Variants in EYS observed in about 807,000 individuals in gnomAD.
The protein encoded by EYS is EGF-like photoreceptor maintenance factor.
In EYS, 250 loss-of-function variants were observed where a neutral mutation model predicts 282.1. The ratio of observed to expected loss-of-function variants is 0.89; its 90% confidence interval spans 0.80 to 0.98. The LOEUF is 0.98. EYS is among the 50% of genes least tolerant of loss of function. The probability of loss-of-function intolerance (pLI) is 0.00; values close to 1 mark genes in which losing one functional copy is unlikely to be tolerated. For synonymous variants in EYS, 1,355 were observed against 1,282.9 expected, an observed-to-expected ratio of 1.06 and a Z score of -1.20; for missense variants, 4,016 against 3,709.0, an observed-to-expected ratio of 1.08 and a Z score of -2.15.
chr6:65,197,953 T>C (rs1287756672), intron 12 of EYS, among the ~76,000 whole-genome samples: 5 of 152,096 alleles, frequency 3.3e-5, no homozygotes, highest in African/African-American at 1.2e-4. Context: ...AAATTCATCT[T>C]AGCTAACAGC....
chr6:65,164,404 T>C (rs1405725037), intron 12 of EYS, among the ~76,000 whole-genome samples: 1 of 149,134 alleles, frequency 6.7e-6, no homozygotes, highest in Non-Finnish European at 1.5e-5. Flanking sequence ...ATTATACTTT[T>C]ACTGCATTTG....
intron 24 of EYS, among the ~76,000 whole-genome samples, chr6:64,604,352 A>G (rs1766859825): frequency 6.6e-6 from 1 of 152,026 alleles, no homozygotes; most frequent in Non-Finnish European, 1.5e-5. Flanking sequence ...GTTAATTCAA[A>G]TCAGTTTTCA....
chr6:64,312,220 T>TTGAGTAGG (rs1395467137), intron 29 of EYS, among the ~76,000 whole-genome samples: 1 of 151,958 alleles, frequency 6.6e-6, no homozygotes, highest in Admixed American at 6.6e-5. Flanking sequence ...TTACTGAGGC[T>TTGAGTAGG]TGAGTAGGTG....
chr6:63,728,841 A>G (rs554330072), intron 41 of EYS, among the ~76,000 whole-genome samples: 2 of 152,248 alleles, frequency 1.3e-5, no homozygotes, highest in South Asian at 4.1e-4. Flanking sequence ...GCTCCTTTGG[A>G]CAAATACCAA....
At chr6:64,888,862 T>A (rs12663170) in intron 18 of EYS, among the ~76,000 whole-genome samples, 2 of 151,964 alleles carry the variant, frequency 1.3e-5, no homozygotes, top group Non-Finnish European at 2.9e-5. Context: ...TAGAGAGAAA[T>A]TGGACACAGA....
At chr6:64,247,934 G>T (rs1444966061) in intron 30 of EYS, among the ~76,000 whole-genome samples, 1 of 152,096 alleles carries the variant, frequency 6.6e-6, no homozygotes. Flanking sequence ...AAGAGGGCCT[G>T]CTGATGACAG....
At position 65,366,726 on chromosome 6, in the gene EYS, A is replaced by C. The variant is rs78395500; in HGVS notation, c.1300-13109T>G. On this transcript the variant is annotated intron_variant, in intron 8 of 42. Transcript: ENST00000503581. ...TCTCTAACATTTCCGGAGGTCGGAA[A>C]TCTGGAATCAGTCTTATTAATGTAA... is the stretch of plus-strand genomic sequence containing the variant. Among the ~76,000 whole-genome samples, 114 of 151,742 alleles carry C rather than the reference A, an allele frequency of 7.5e-4. 2 individuals carry two copies. The East Asian group carries it at 0.014, about 19-fold the overall frequency.
chr6:65,096,830 C>G (rs1774753191), intron 12 of EYS, among the ~76,000 whole-genome samples: 1 of 150,754 alleles, frequency 6.6e-6, no homozygotes, highest in African/African-American at 2.4e-5. Context: ...TATCTTACAC[C>G]CTACACCAAA....
At chr6:65,066,975 T>C (rs539576333) in intron 12 of EYS, among the ~76,000 whole-genome samples, 17 of 152,256 alleles carry the variant, frequency 1.1e-4, no homozygotes, top group African/African-American at 4.1e-4. Flanking sequence ...AGAAAGGTCA[T>C]GGTCTTTTAC....
At chr6:64,337,518 A>G (rs1770900966) in intron 29 of EYS, among the ~76,000 whole-genome samples, 1 of 152,068 alleles carries the variant, frequency 6.6e-6, no homozygotes, top group South Asian at 2.1e-4. Flanking sequence ...TTCCAGGACA[A>G]GATGGATTCA....
intron 26 of EYS, among the ~76,000 whole-genome samples, chr6:64,486,761 G>C (rs970021660): frequency 1.3e-5 from 2 of 151,350 alleles, no homozygotes; most frequent in Middle Eastern, 3.4e-3. Flanking sequence ...ATCTAATTCA[G>C]CCTGTGGCTG....
intron 5 of EYS, among the ~76,000 whole-genome samples, chr6:65,420,092 A>G (rs1001437627): frequency 3.9e-5 from 6 of 151,970 alleles, no homozygotes; most frequent in Non-Finnish European, 5.9e-5. Context: ...GGTGGTTGCT[A>G]AAGATTGGAG....
At chr6:65,305,405 C>T (rs1433834874) in intron 11 of EYS, among the ~76,000 whole-genome samples, 3 of 152,126 alleles carry the variant, frequency 2.0e-5, no homozygotes, top group South Asian at 2.1e-4. Flanking sequence ...TTTTATGCTA[C>T]CACTAAACAA....
intron 2 of EYS, among the ~76,000 whole-genome samples, chr6:65,537,726 C>T (rs1768014281): frequency 6.6e-6 from 1 of 152,150 alleles, no homozygotes; most frequent in Non-Finnish European, 1.5e-5. Context: ...CCAGAAAAGA[C>T]TTGCAGATAT....
At position 64,822,709 on chromosome 6, in the gene EYS, CA is replaced by C. The variant is rs1764936411; in HGVS notation, c.3105del (p.Phe1035LeufsTer55). 2 of 1,548,246 alleles carry C rather than the reference CA, an allele frequency of 1.3e-6. No individual in the cohort carries two copies. Among genetic ancestry groups the C allele is most frequent in the Non-Finnish European group, 1.7e-6 (2 of 1,145,484 alleles). ...TTGGCGTTTGTTTCACAGTGTGTTC[CA>C]AAAAACCCACTCTTGCAGTCACAGG... The part of the protein sequence containing the change: ...HYTCDCKSGF[F>X]GTHCETNAND... On this transcript the variant is annotated frameshift_variant, in exon 20 of 43. Coordinates refer to ENST00000503581, the MANE Select transcript of EYS (RefSeq NM_001142800.2). LOFTEE classifies it high-confidence loss of function.
intron 2 of EYS, among the ~76,000 whole-genome samples, chr6:65,586,295 C>T (rs1765046222): frequency 6.6e-6 from 1 of 151,960 alleles, no homozygotes; most frequent in East Asian, 1.9e-4. Context: ...TGGTAATATG[C>T]ACTGCTCTTA....
At chr6:64,913,474 G>T (rs1768065753) in intron 15 of EYS, among the ~76,000 whole-genome samples, 1 of 151,920 alleles carries the variant, frequency 6.6e-6, no homozygotes, top group South Asian at 2.1e-4. Context: ...TATACCCATT[G>T]TTTAGCTTCC....
intron 31 of EYS, among the ~76,000 whole-genome samples, chr6:64,152,420 G>A (rs1774774401): frequency 6.6e-6 from 1 of 152,180 alleles, no homozygotes; most frequent in Non-Finnish European, 1.5e-5. Context: ...AAATGTGGTT[G>A]CATCTGTCTT....
chr6:63,903,813 T>A (rs1038068090), intron 35 of EYS, among the ~76,000 whole-genome samples: 1 of 152,156 alleles, frequency 6.6e-6, no homozygotes, highest in African/African-American at 2.4e-5. Flanking sequence ...GAAATAGCTA[T>A]CAGGTGAGGC....
Sources: allele counts gnomAD v4.1 joint callset (sites outside exome capture counted in the v4.1 genomes callset), GRCh38; gene constraint gnomAD v4.1.1; transcripts MANE v1.5; gene names NCBI Gene and HGNC (gene_info 2026-07-23, HGNC 2026-07-21).